The following MAML3 variants were observed in gnomAD, a reference collection of about 807,000 sequenced individuals.
The protein encoded by MAML3 is mastermind-like protein 3.
MAML3 carries 27 observed loss-of-function variants against 101.9 expected under a neutral mutation model. The observed-to-expected ratio is 0.27, with a 90% CI of 0.20 to 0.37. MAML3 has a LOEUF of 0.37. MAML3 is among the 10% of genes least tolerant of loss of function. The probability of loss-of-function intolerance (pLI) is 1.00; values close to 1 mark genes in which losing one functional copy is unlikely to be tolerated. For missense variants in MAML3, 1,316 were observed against 1,444.9 expected, an observed-to-expected ratio of 0.91 and a Z score of 1.45; for synonymous variants, 501 against 555.9, an observed-to-expected ratio of 0.90 and a Z score of 1.39.
In MAML3 at chr4:140,053,243, C is replaced by A. The variant is rs369535194; in HGVS notation, c.468+99617G>T. 4.9e-4 allele frequency among the ~76,000 whole-genome samples: 75 copies of A among 152,252 alleles called. 2 individuals are homozygous for A. Among genetic ancestry groups the A allele is most frequent in the African/African-American group, 1.7e-3 (72 of 41,522 alleles). ...CCAAACAGCCCCTTCCAATATTCTTCATGTCTTCATGGCAGCAGCATTCTC... is the reference window on the plus strand; with the variant it reads ...CCAAACAGCCCCTTCCAATATTCTTAATGTCTTCATGGCAGCAGCATTCTC... On this transcript the variant is annotated intron_variant, in intron 1 of 4. Coordinates refer to ENST00000509479, the MANE Select transcript of MAML3 (RefSeq NM_018717.5).
At chr4:139,843,591 C>A (rs1380199404) in intron 2 of MAML3, among the ~76,000 whole-genome samples, 4 of 152,150 alleles carry the variant, frequency 2.6e-5, no homozygotes, top group Admixed American at 2.6e-4. Flanking sequence ...TCTTAGTTCA[C>A]CAACTGTTTT....
intron 1 of MAML3, among the ~76,000 whole-genome samples, chr4:139,895,205 T>C (rs762584370): frequency 6.6e-6 from 1 of 152,192 alleles, no homozygotes; most frequent in Non-Finnish European, 1.5e-5. Context: ...GAGCACTGGC[T>C]CTGGAGTTAG....
At chr4:139,959,628 CT>C in intron 1 of MAML3, among the ~76,000 whole-genome samples, 1 of 152,276 alleles carries the variant, frequency 6.6e-6, no homozygotes, top group East Asian at 1.9e-4. Flanking sequence ...CCGGGGCACT[CT>C]GGGTCCTGAA....
intron 2 of MAML3, among the ~76,000 whole-genome samples, chr4:139,736,820 G>A (rs1019695873): frequency 6.6e-6 from 1 of 152,076 alleles, no homozygotes; most frequent in Non-Finnish European, 1.5e-5. Context: ...GAATCATTGG[G>A]GCAAATAATC....
chr4:140,029,201 A>C (rs1194410414), intron 1 of MAML3, among the ~76,000 whole-genome samples: 1 of 152,140 alleles, frequency 6.6e-6, no homozygotes, highest in Non-Finnish European at 1.5e-5. Flanking sequence ...CAGCAACACC[A>C]ATTCAACTAG....
intron 1 of MAML3, among the ~76,000 whole-genome samples, chr4:140,063,051 C>T (rs1578665312): frequency 1.3e-5 from 2 of 152,136 alleles, no homozygotes; most frequent in South Asian, 4.1e-4. Flanking sequence ...TACTTAGCTC[C>T]TCACAACATG....
At chr4:139,773,842 G>A (rs1481983517) in intron 2 of MAML3, among the ~76,000 whole-genome samples, 3 of 152,192 alleles carry the variant, frequency 2.0e-5, no homozygotes, top group African/African-American at 7.2e-5. Context: ...TTGGAACTCA[G>A]ATTTGAGACA....
intron 1 of MAML3, among the ~76,000 whole-genome samples, chr4:139,980,637 C>T (rs962365321): frequency 2.6e-5 from 4 of 152,112 alleles, no homozygotes; most frequent in South Asian, 4.1e-4. Context: ...ACCAGACTCC[C>T]GGGGTATTCA....
chr4:139,888,540 G>T, intron 2 of MAML3: 3 of 518,982 alleles, frequency 5.8e-6, no homozygotes, highest in South Asian at 4.2e-5. Context: ...GTTTGCCACT[G>T]GTCAGGATGA....
At chr4:140,001,064 C>CT (rs1055463894) in intron 1 of MAML3, among the ~76,000 whole-genome samples, 2 of 152,034 alleles carry the variant, frequency 1.3e-5, no homozygotes, top group South Asian at 2.1e-4. Flanking sequence ...AAGATTTGGC[C>CT]TTTTTTTGCT....
chr4:139,997,770 G>A (rs982849386), intron 1 of MAML3, among the ~76,000 whole-genome samples: 13 of 151,486 alleles, frequency 8.6e-5, no homozygotes, highest in East Asian at 3.9e-4. Flanking sequence ...TTTTAAATTC[G>A]GGATGTCTTA....
intron 2 of MAML3, among the ~76,000 whole-genome samples, chr4:139,879,526 A>G (rs1166797299): frequency 1.1e-4 from 2 of 17,828 alleles, no homozygotes; most frequent in African/African-American, 2.3e-4. Flanking sequence ...GCTCTGACTG[A>G]AAAAAAAAAA....
At chr4:140,038,576 C>T (rs971998833) in intron 1 of MAML3, among the ~76,000 whole-genome samples, 5 of 152,202 alleles carry the variant, frequency 3.3e-5, no homozygotes, top group Non-Finnish European at 7.3e-5. Flanking sequence ...GCCAGATTGC[C>T]TGGGTCCATA....
At chr4:139,725,264 G>C (rs1728422083) in intron 4 of MAML3, among the ~76,000 whole-genome samples, 1 of 152,200 alleles carries the variant, frequency 6.6e-6, no homozygotes, top group African/African-American at 2.4e-5. Flanking sequence ...GTTGTTGCAA[G>C]CCAGATTCTT....
chr4:139,895,509 T>TTAA (rs1301791917), intron 1 of MAML3, among the ~76,000 whole-genome samples: 3 of 152,174 alleles, frequency 2.0e-5, no homozygotes, highest in Non-Finnish European at 4.4e-5. Flanking sequence ...AATGAAATAA[T>TTAA]GTAGGGAGCA....
At chr4:139,804,710 CAT>C (rs1730674791) in intron 2 of MAML3, among the ~76,000 whole-genome samples, 1 of 152,208 alleles carries the variant, frequency 6.6e-6, no homozygotes, top group Non-Finnish European at 1.5e-5. Flanking sequence ...CTTATAGTCT[CAT>C]ATGTATGTAT....
At chr4:139,961,074 C>T (rs958021664) in intron 1 of MAML3, among the ~76,000 whole-genome samples, 60 of 152,228 alleles carry the variant, frequency 3.9e-4, no homozygotes, top group Non-Finnish European at 3.7e-4. Flanking sequence ...TTGCAGGTAA[C>T]GACCACCTCT....
At chr4:139,778,437 C>T (rs1730131536) in intron 2 of MAML3, among the ~76,000 whole-genome samples, 1 of 152,148 alleles carries the variant, frequency 6.6e-6, no homozygotes, top group Non-Finnish European at 1.5e-5. Flanking sequence ...AGAAAAAGCA[C>T]AGAGGGCTGA....
chr4:139,887,822 C>T (rs1375928881), intron 2 of MAML3, among the ~76,000 whole-genome samples: 2 of 152,184 alleles, frequency 1.3e-5, no homozygotes, highest in South Asian at 4.1e-4. Context: ...TGGGCTACTA[C>T]AAACATTCAT....
Sources: allele counts gnomAD v4.1 joint callset (sites outside exome capture counted in the v4.1 genomes callset), GRCh38; gene constraint gnomAD v4.1.1; transcripts MANE v1.5; gene names NCBI Gene and HGNC (gene_info 2026-07-23, HGNC 2026-07-21).